Variants in LARGE1 observed in about 807,000 individuals in gnomAD.
LARGE1 encodes the protein xylosyl- and glucuronyltransferase LARGE1.
A neutral mutation model predicts 87.6 loss-of-function variants in LARGE1; 43 were observed. The observed-to-expected ratio is 0.49, with a 90% CI of 0.38 to 0.63. LARGE1 has a LOEUF of 0.63. LARGE1 is among the 30% of genes least tolerant of loss of function. The pLI is 0.00. For missense variants in LARGE1, 802 were observed against 1,000.2 expected (o/e 0.80, Z 2.67); for synonymous variants, 434 against 394.6 (o/e 1.10, Z -1.18).
At chr22:33,887,495 C>A (rs1275698721) in intron 1 of LARGE1, among the ~76,000 whole-genome samples, 1 of 152,114 alleles carries the variant, frequency 6.6e-6, no homozygotes, top group African/African-American at 2.4e-5. Context: ...CTAGCACTTT[C>A]GGAGACCGAG....
At chr22:33,231,180 A>G (rs1348890516) in intron 11 of LARGE1, among the ~76,000 whole-genome samples, 1 of 152,244 alleles carries the variant, frequency 6.6e-6, no homozygotes, top group East Asian at 1.9e-4. Context: ...GACAAATTAT[A>G]CCACAAGACT....
Position 33,583,012 on chromosome 22 carries a change from A to C in LARGE1, c.616-17993T>G, listed in dbSNP as rs185783705. ...GGGGAAACAAACCACATTAAGTATG[A>C]GCACATGTCTACCTTGGACAGTTCC... is the stretch of plus-strand genomic sequence containing the variant. On this transcript the variant is annotated intron_variant, in intron 5 of 14. Coordinates refer to ENST00000397394, the MANE Select transcript of LARGE1 (RefSeq NM_133642.5). Among the ~76,000 whole-genome samples, 723 of 152,324 alleles carry C rather than the reference A, an allele frequency of 4.7e-3. 8 individuals are homozygous for C. The highest frequency in any genetic ancestry group is 0.016 in the African/African-American group (669 of 41,574).
the LARGE1 span, chr22:33,105,786 C>T: frequency 3.9e-5 from 6 of 152,334 alleles, no homozygotes; most frequent in Non-Finnish European, 8.8e-5. Context: ...GGCTCCTCTT[C>T]CTGGAGATGG....
intron 11 of LARGE1, among the ~76,000 whole-genome samples, chr22:33,237,065 C>G (rs1926288628): frequency 6.6e-6 from 1 of 152,200 alleles, no homozygotes; most frequent in Non-Finnish European, 1.5e-5. Context: ...TAGTCCAACT[C>G]TTACCAAATC....
intron 11 of LARGE1, among the ~76,000 whole-genome samples, chr22:33,168,984 C>T (rs1222471026): frequency 1.3e-5 from 2 of 152,136 alleles, no homozygotes; most frequent in Non-Finnish European, 2.9e-5. Context: ...ACTTGGCCTA[C>T]AGTGCAAGGC....
intron 2 of LARGE1, among the ~76,000 whole-genome samples, chr22:33,686,374 C>A (rs1765457666): frequency 6.6e-6 from 1 of 151,834 alleles, no homozygotes; most frequent in South Asian, 2.1e-4. Flanking sequence ...AACCCTGTCT[C>A]TACTAAAGAT....
chr22:33,264,890 T>TG (rs71187257), intron 11 of LARGE1, among the ~76,000 whole-genome samples: 1 of 19,472 alleles, frequency 5.1e-5, no homozygotes, highest in Non-Finnish European at 1.1e-4. Flanking sequence ...GATCAAATTC[T>TG]TTTTTTTTTT....
intron 9 of LARGE1, among the ~76,000 whole-genome samples, chr22:33,359,230 G>A (rs966900955): frequency 1.3e-5 from 2 of 152,152 alleles, no homozygotes; most frequent in African/African-American, 4.8e-5. Context: ...CTGTATCAGA[G>A]GAAAATGCTG....
chr22:33,177,072 T>A (rs1402536022), intron 11 of LARGE1, among the ~76,000 whole-genome samples: 4 of 152,058 alleles, frequency 2.6e-5, no homozygotes, highest in Non-Finnish European at 5.9e-5. Flanking sequence ...AAACCAATCA[T>A]CGCATGTTCT....
intron 2 of LARGE1, chr22:33,743,028 T>C (rs1317594726): frequency 6.6e-6 from 1 of 152,060 alleles, no homozygotes; most frequent in Non-Finnish European, 1.5e-5. Context: ...CCTTGTGAGA[T>C]ATGGTTGTTT....
intron 1 of LARGE1, among the ~76,000 whole-genome samples, chr22:33,853,380 A>T (rs992880035): frequency 3.3e-5 from 5 of 152,222 alleles, no homozygotes; most frequent in Admixed American, 3.3e-4. Context: ...ATCCATGCCA[A>T]CTTGCAAAGT....
intron 6 of LARGE1, among the ~76,000 whole-genome samples, chr22:33,472,991 G>A (rs879756096): frequency 3.3e-5 from 5 of 152,170 alleles, no homozygotes; most frequent in Non-Finnish European, 7.3e-5. Context: ...GAGCACTGGG[G>A]TGGTCAAATA....
the LARGE1 span, among the ~76,000 whole-genome samples, chr22:33,150,169 C>T: frequency 6.6e-6 from 1 of 152,230 alleles, no homozygotes; most frequent in Non-Finnish European, 1.5e-5. Context: ...TCACCACATC[C>T]AGACAATGAG....
At chr22:33,900,259 G>C (rs1039376584) in intron 1 of LARGE1, among the ~76,000 whole-genome samples, 1 of 152,220 alleles carries the variant, frequency 6.6e-6, no homozygotes, top group Non-Finnish European at 1.5e-5. Context: ...AGAAGATGCA[G>C]CTCAGCTCCC....
chr22:33,462,808 CT>C (rs1204509763), intron 6 of LARGE1, among the ~76,000 whole-genome samples: 24 of 151,958 alleles, frequency 1.6e-4, no homozygotes, highest in Admixed American at 1.5e-3. Context: ...TATATACCAA[CT>C]GAAAAATCAA....
At chr22:33,389,266 T>C (rs1210336178) in intron 7 of LARGE1, among the ~76,000 whole-genome samples, 1 of 152,246 alleles carries the variant, frequency 6.6e-6, no homozygotes, top group Non-Finnish European at 1.5e-5. Context: ...AAGAGCCTCG[T>C]ATCTATGCAA....
At chr22:33,559,379 G>A (rs62227069) in intron 6 of LARGE1, among the ~76,000 whole-genome samples, 9,562 of 152,110 alleles carry the variant, frequency 0.063, 427 homozygotes, top group Non-Finnish European at 0.096. Flanking sequence ...ACGGGGTTTC[G>A]CCATGTTGGC....
intron 4 of LARGE1, among the ~76,000 whole-genome samples, chr22:33,612,278 A>G (rs964258472): frequency 6.6e-6 from 1 of 152,026 alleles, no homozygotes; most frequent in Non-Finnish European, 1.5e-5. Context: ...TAATTTTTGT[A>G]TTTTTAGTAG....
At chr22:33,646,636 T>A (rs909529751) in intron 3 of LARGE1, among the ~76,000 whole-genome samples, 2 of 152,164 alleles carry the variant, frequency 1.3e-5, no homozygotes, top group Non-Finnish European at 2.9e-5. Context: ...TCTGAATTCC[T>A]ATATGACTGT....
Sources: allele counts gnomAD v4.1 joint callset (sites outside exome capture counted in the v4.1 genomes callset), GRCh38; gene constraint gnomAD v4.1.1; transcripts MANE v1.5; gene names NCBI Gene and HGNC (gene_info 2026-07-23, HGNC 2026-07-21).